Variants in FRYL observed in about 807,000 individuals in gnomAD.
FRYL encodes protein furry homolog-like.
FRYL carries 150 observed loss-of-function variants against 351.2 expected under a neutral mutation model. That is an observed-to-expected ratio of 0.43 (90% CI 0.37 to 0.49). The LOEUF (loss-of-function observed/expected upper bound fraction) is 0.49. Ranked by LOEUF, FRYL falls within the 20% of genes least tolerant of loss-of-function variation. The probability of loss-of-function intolerance (pLI) is 0.00; values close to 1 mark genes in which losing one functional copy is unlikely to be tolerated. For missense variants in FRYL, 3,036 were observed against 3,619.3 expected, an observed-to-expected ratio of 0.84 and a Z score of 4.13; for synonymous variants, 1,153 against 1,257.1, an observed-to-expected ratio of 0.92 and a Z score of 1.75.
In FRYL at chr4:48,546,162, G is replaced by T; in HGVS notation, c.5184C>A (p.Ala1728=). 1 of 1,613,636 alleles carries T rather than the reference G, an allele frequency of 6.2e-7. No homozygotes were observed. The highest frequency in any genetic ancestry group is 8.5e-7 in the Non-Finnish European group (1 of 1,179,690). The part of the protein sequence containing the change: ...SSISLGNNSA[A]ISHLHTTILN... Reference sequence around the variant, plus strand: ...GGATAGTGGTGTGCAGATGTGAAATGGCAGCACTGTTATTTCCTAAGCTGA... The same window carrying T: ...GGATAGTGGTGTGCAGATGTGAAATTGCAGCACTGTTATTTCCTAAGCTGA... The change falls in exon 42 of 64, where the codon GCC becomes GCA. Residue 1728 remains alanine (A), a synonymous_variant. Coordinates refer to ENST00000358350, the MANE Select transcript of FRYL (RefSeq NM_015030.2).
At chr4:48,774,198 C>T (rs187000993) in intron 1 of FRYL, among the ~76,000 whole-genome samples, 2 of 152,208 alleles carry the variant, frequency 1.3e-5, no homozygotes, top group East Asian at 3.9e-4. Flanking sequence ...TGGTATACAA[C>T]TCTGAAATAG....
intron 50 of FRYL, 96 bp from the exon 51 acceptor site, chr4:48,528,432 TAAAA>T: frequency 1.2e-6 from 1 of 864,206 alleles, no homozygotes; most frequent in Non-Finnish European, 1.6e-6. Flanking sequence ...TTTTTACAAA[TAAAA>T]AAAAAGATGA....
At chr4:48,642,162 G>A (rs1755460878) in intron 3 of FRYL, among the ~76,000 whole-genome samples, 1 of 151,850 alleles carries the variant, frequency 6.6e-6, no homozygotes, top group African/African-American at 2.4e-5. Context: ...ACTTTTTATT[G>A]TTACAGCTGT....
intron 5 of FRYL, among the ~76,000 whole-genome samples, chr4:48,621,574 T>C (rs1367760593): frequency 6.6e-6 from 1 of 152,188 alleles, no homozygotes; most frequent in Non-Finnish European, 1.5e-5. Context: ...CCATTTCTCA[T>C]AAAATTAATA....
intron 3 of FRYL, among the ~76,000 whole-genome samples, chr4:48,666,292 G>A (rs1347461576): frequency 1.3e-5 from 2 of 152,062 alleles, no homozygotes; most frequent in East Asian, 1.9e-4. Context: ...GCTTGAACCC[G>A]GGAGGTGGAG....
At chr4:48,572,885 G>A (rs1738660039) in intron 26 of FRYL, among the ~76,000 whole-genome samples, 1 of 152,146 alleles carries the variant, frequency 6.6e-6, no homozygotes, top group Non-Finnish European at 1.5e-5. Flanking sequence ...ACAAAGGCAG[G>A]GCTGAGTAGA....
intron 1 of FRYL, among the ~76,000 whole-genome samples, chr4:48,763,209 C>G (rs1774590745): frequency 6.6e-6 from 1 of 151,166 alleles, no homozygotes; most frequent in East Asian, 1.9e-4. Flanking sequence ...GCCTCTAATT[C>G]CAAGCACTTT....
At chr4:48,769,987 G>A (rs1775348867) in intron 1 of FRYL, among the ~76,000 whole-genome samples, 1 of 152,170 alleles carries the variant, frequency 6.6e-6, no homozygotes, top group South Asian at 2.1e-4. Flanking sequence ...TATCTTGACT[G>A]TGGTGGTGGC....
chr4:48,679,473 T>C (rs759383823), intron 3 of FRYL, among the ~76,000 whole-genome samples: 9 of 151,966 alleles, frequency 5.9e-5, no homozygotes, highest in Non-Finnish European at 1.3e-4. Context: ...TTTTCAAAGG[T>C]AATCGCATTG....
At chr4:48,585,214 T>G (rs1741850387) in intron 19 of FRYL, among the ~76,000 whole-genome samples, 1 of 152,242 alleles carries the variant, frequency 6.6e-6, no homozygotes, top group Admixed American at 6.5e-5. Flanking sequence ...TTATTTCCAA[T>G]GCTGGCATGA....
chr4:48,571,669 T>C (rs1560630200), intron 26 of FRYL: 1 of 985,310 alleles, frequency 1.0e-6, no homozygotes, highest in Non-Finnish European at 1.2e-6. Context: ...AATTTACTAA[T>C]GACTAATCAA....
chr4:48,772,679 C>CAAAA (rs33926702), intron 1 of FRYL, among the ~76,000 whole-genome samples: 52 of 50,220 alleles, frequency 1.0e-3, no homozygotes, highest in South Asian at 2.5e-3. Flanking sequence ...AGAGACCTAC[C>CAAAA]AAAAAAAAAA....
chr4:48,697,096 T>C (rs575796474), intron 2 of FRYL, among the ~76,000 whole-genome samples: 1 of 152,280 alleles, frequency 6.6e-6, no homozygotes, highest in South Asian at 2.1e-4. Context: ...CATCGAAGAC[T>C]TGGAATTTTA....
chr4:48,665,224 T>C (rs770863150), intron 3 of FRYL, among the ~76,000 whole-genome samples: 1 of 152,222 alleles, frequency 6.6e-6, no homozygotes, highest in Non-Finnish European at 1.5e-5. Flanking sequence ...CTTTTGGTTT[T>C]AGTTCTTTTT....
chr4:48,614,797 A>C (rs1578360128), intron 7 of FRYL, among the ~76,000 whole-genome samples: 4 of 136,462 alleles, frequency 2.9e-5, no homozygotes, highest in East Asian at 2.2e-4. Flanking sequence ...TTCCACTACC[A>C]CTGCCAAAAG....
At chr4:48,678,793 T>TG (rs1280108271) in intron 3 of FRYL, among the ~76,000 whole-genome samples, 1 of 152,170 alleles carries the variant, frequency 6.6e-6, no homozygotes, top group Admixed American at 6.5e-5. Context: ...TTCATGATTA[T>TG]GCTTTATTTT....
In FRYL at chr4:48,525,888, T is replaced by A. The variant is rs561611918; in HGVS notation, c.7317+1589A>T. 1.1e-4 allele frequency among the ~76,000 whole-genome samples: 16 copies of A among 152,204 alleles called. No homozygotes were observed. In the East Asian group the frequency reaches 3.1e-3, roughly 29 times the overall value. Reference sequence around the variant, plus strand: ...TGTATATGAGTAGTATATGTATATATGTACATGAGTTGATGAATGTGTATG... The same window carrying A: ...TGTATATGAGTAGTATATGTATATAAGTACATGAGTTGATGAATGTGTATG... On this transcript the variant is annotated intron_variant, in intron 53 of 63. Transcript: ENST00000358350.
Position 48,564,102 on chromosome 4 carries a change from C to T in FRYL, c.3442G>A (p.Val1148Ile). Residue 1148 changes from valine to isoleucine, a missense_variant and splice_region_variant, in exon 31 of 64, where the codon GTT becomes ATT. Physicochemically the swap from Val to Ile is conservative, Grantham distance 29. This residue lies in a region of FRYL where 1,987 missense variants were observed against 2,311.7 expected (regional missense o/e 0.86). Coordinates refer to ENST00000358350, the MANE Select transcript of FRYL (RefSeq NM_015030.2). ...ACTGCTTCACAGCCCAGCTGGTGAA[C>T]CTAGGTAAAGGTTGTGAAATTGCCC... ...DNILDSLDKKVHQLGCEAVTL... is the reference protein window; with the variant it reads ...DNILDSLDKKIHQLGCEAVTL... 5 of 1,613,292 alleles carry T rather than the reference C, an allele frequency of 3.1e-6. No homozygotes were observed. Among genetic ancestry groups the T allele is most frequent in the Non-Finnish European group, 4.2e-6 (5 of 1,179,782 alleles).
chr4:48,643,660 T>C (rs1755773611), intron 3 of FRYL, among the ~76,000 whole-genome samples: 1 of 152,042 alleles, frequency 6.6e-6, no homozygotes, highest in Non-Finnish European at 1.5e-5. Context: ...AATTAAATCG[T>C]TACAAATATT....
Sources: allele counts gnomAD v4.1 joint callset (sites outside exome capture counted in the v4.1 genomes callset), GRCh38; gene constraint gnomAD v4.1.1; regional missense constraint gnomAD v4.1.1; transcripts MANE v1.5; gene names NCBI Gene and HGNC (gene_info 2026-07-23, HGNC 2026-07-21).